Variants in KDM1A observed in about 807,000 individuals in gnomAD.
KDM1A encodes lysine demethylase 1A, also known as lysine-specific histone demethylase 1A.
KDM1A carries 49 observed loss-of-function variants against 109.4 expected under a neutral mutation model. The observed-to-expected ratio is 0.45, with a 90% CI of 0.36 to 0.57. The LOEUF (loss-of-function observed/expected upper bound fraction) is 0.57. KDM1A is among the 20% of genes least tolerant of loss of function. KDM1A has a pLI of 0.00. For missense variants in KDM1A, 668 were observed against 1,116.6 expected (o/e 0.60, Z 5.73); for synonymous variants, 380 against 415.4 (o/e 0.91, Z 1.04).
In KDM1A at chr1:23,057,546, C is replaced by T; in HGVS notation, c.1053C>T (p.Ala351=). 6.2e-7 allele frequency: 1 copy of T among 1,613,528 alleles called. No homozygotes were observed. Among genetic ancestry groups the T allele is most frequent in the South Asian group, 1.1e-5 (1 of 91,066 alleles). ...RKGNYVADLG[A]MVVTGLGGNP... ...GAAACTATGTAGCTGATCTTGGAGC[C>T]ATGGTGGTAACAGGTCTTGGTAAGT... Residue 351 remains alanine, a synonymous_variant, in exon 8 of 21, where the codon GCC becomes GCT. Transcript: ENST00000400181.
At position 23,019,694 on chromosome 1, in the gene KDM1A, A is replaced by G; in HGVS notation, c.98A>G (p.Asn33Ser). The G allele has an allele frequency of 7.4e-7, 1 of 1,357,342 alleles. No homozygotes were observed. The highest frequency in any genetic ancestry group is 9.4e-7 in the Non-Finnish European group (1 of 1,061,740). The allele number at this position is 1,357,342 out of a possible 1,614,324, so 84.1% of individuals were successfully genotyped here. ...AGPGTAGGSENGSEVAAQPAG... is the reference protein window; with the variant it reads ...AGPGTAGGSESGSEVAAQPAG... ...CCTGGGACAGCAGGCGGCTCCGAGA[A>G]CGGGTCTGAGGTGGCCGCGCAGCCC... The change falls in exon 1 of 21, where the codon AAC becomes AGC. Residue 33 changes from asparagine to serine, a missense_variant. This residue lies in a region of KDM1A where 156 missense variants were observed against 163.4 expected (regional missense o/e 0.95). Coordinates refer to ENST00000400181, the MANE Select transcript of KDM1A (RefSeq NM_001009999.3).
Position 23,079,316 on chromosome 1 carries a change from C to T in KDM1A, c.2055+139C>T. On this transcript the variant is annotated intron_variant, in intron 17 of 20. Coordinates refer to ENST00000400181, the MANE Select transcript of KDM1A (RefSeq NM_001009999.3). This position sits in a 1 kb window ranked among gnomAD's most constrained non-coding sequence, Gnocchi z 5.6. ...TTGTGACATCAGGGCTGAGGCGTGT[C>T]AGTTGATTCTCTTCAGTGCCTAAGT... 1 of 823,786 alleles carries T rather than the reference C, an allele frequency of 1.2e-6. No homozygotes were observed. Among genetic ancestry groups the T allele is most frequent in the Non-Finnish European group, 1.9e-6 (1 of 526,234 alleles). 51.0% of individuals were successfully genotyped at this position (823,786 alleles called of 1,614,324 possible). A position where few individuals can be genotyped will look rare whatever the true frequency, so the allele number is the denominator to read the frequency against.
At chr1:23,081,323 A>C in intron 18 of KDM1A, 123 bp from the exon 19 acceptor site, 1 of 1,082,260 alleles carries the variant, frequency 9.2e-7, no homozygotes, top group South Asian at 1.5e-5. Context: ...TTCGCATTTG[A>C]ATGGTACTGC....
At chr1:23,068,415 T>C in intron 10 of KDM1A, 124 bp from the exon 11 acceptor site, 1 of 680,618 alleles carries the variant, frequency 1.5e-6, no homozygotes, top group South Asian at 3.2e-5. Flanking sequence ...TGAATCATTG[T>C]GCTCAAAGGT....
In KDM1A at chr1:23,079,518, CT is replaced by C; in HGVS notation, c.2056-34del. ...TGTTGAAGCCAGTATTATCTGGCCC[CT>C]GTCACTGGCTCATGTGCTTCTTTCT... On this transcript the variant is annotated intron_variant, in intron 17 of 20. Coordinates refer to ENST00000400181, the MANE Select transcript of KDM1A (RefSeq NM_001009999.3). This position sits in a 1 kb window ranked among gnomAD's most constrained non-coding sequence, Gnocchi z 5.6. 6.6e-7 allele frequency: 1 copy of C among 1,516,584 alleles called. No homozygotes were observed. The highest frequency in any genetic ancestry group is 9.1e-7 in the Non-Finnish European group (1 of 1,096,900). The allele number at this position is 1,516,584 out of a possible 1,614,324, so 93.9% of individuals were successfully genotyped here. A position where few individuals can be genotyped will look rare whatever the true frequency, so the allele number is the denominator to read the frequency against.
In KDM1A at chr1:23,019,572, G is replaced by A. The variant is rs1398423212; in HGVS notation, c.-25G>A. The A allele has an allele frequency of 2.1e-6, 3 of 1,396,064 alleles. No individual in the cohort carries two copies. The highest frequency in any genetic ancestry group is 2.8e-6 in the Non-Finnish European group (3 of 1,082,392). The allele number at this position is 1,396,064 out of a possible 1,614,324, so 86.5% of individuals were successfully genotyped here. On this transcript the variant is annotated 5_prime_UTR_variant, in exon 1 of 21. Coordinates refer to ENST00000400181, the MANE Select transcript of KDM1A (RefSeq NM_001009999.3). ...AGCGACAGAGCGAGCGGCCCCTACG[G>A]CCGTCGGCGGCCCGGCGGCCCGAGA...
chr1:23,077,202 A>T, intron 15 of KDM1A, 26 bp from the exon 16 acceptor site: 1 of 1,604,354 alleles, frequency 6.2e-7, no homozygotes, highest in Non-Finnish European at 8.5e-7. Flanking sequence ...AAAGGTTGGA[A>T]ATATGTTCTT....
At position 23,083,291 on chromosome 1, in the gene KDM1A, T is replaced by G. The variant is rs1643676039; in HGVS notation, c.2558T>G (p.Phe853Cys). 2.9e-5 allele frequency: 47 copies of G among 1,613,852 alleles called. No individual in the cohort carries two copies. The highest frequency in any genetic ancestry group is 4.0e-5 in the Non-Finnish European group (47 of 1,179,948). Reference protein sequence around the residue: ...LREAGRIADQFLGAMYTLPRQ... With the variant: ...LREAGRIADQCLGAMYTLPRQ... ...GAAGCGGGAAGAATTGCAGACCAGTTTTTGGGGGCCATGTATACGCTGCCT... is the reference window on the plus strand; with the variant it reads ...GAAGCGGGAAGAATTGCAGACCAGTGTTTGGGGGCCATGTATACGCTGCCT... The change falls in exon 21 of 21, where the codon TTT (phenylalanine) becomes TGT (cysteine). Residue 853 changes from phenylalanine (F) to cysteine (C), a missense_variant. Physicochemically the swap from Phe to Cys is radical, Grantham distance 205 (BLOSUM62 -2). Transcript: ENST00000400181.
At chr1:23,061,539 G>A (rs34092336) in intron 9 of KDM1A, among the ~76,000 whole-genome samples, 16,854 of 152,142 alleles carry the variant, frequency 0.11, 1,247 homozygotes, top group Non-Finnish European at 0.17. Context: ...GGGATTCTTT[G>A]CAGCTTTGAG....
At chr1:23,067,822 G>A (rs1643199668) in intron 10 of KDM1A, among the ~76,000 whole-genome samples, 1 of 152,176 alleles carries the variant, frequency 6.6e-6, no homozygotes, top group African/African-American at 2.4e-5. Flanking sequence ...GACACAGCAT[G>A]GCTTAGGATC....
intron 20 of KDM1A, 63 bp downstream of exon 20, chr1:23,082,429 G>GT: frequency 9.0e-6 from 11 of 1,218,496 alleles, no homozygotes; most frequent in East Asian, 2.7e-5. Context: ...TGATGTCCCT[G>GT]ATTTTTTTTT....
chr1:23,025,329 ATT>A (rs35274209), intron 1 of KDM1A, among the ~76,000 whole-genome samples: 453 of 128,888 alleles, frequency 3.5e-3, no homozygotes, highest in East Asian at 2.9e-3. Context: ...AAGATGAAAG[ATT>A]TTTTTTTTTT....
At chr1:23,031,047 C>A (rs941730473) in intron 2 of KDM1A, among the ~76,000 whole-genome samples, 1 of 152,198 alleles carries the variant, frequency 6.6e-6, no homozygotes, top group Non-Finnish European at 1.5e-5. Flanking sequence ...GTGTTTACCA[C>A]GTAGTTAGAT....
At chr1:23,051,019 A>T (rs1042611865) in intron 4 of KDM1A, among the ~76,000 whole-genome samples, 1 of 152,198 alleles carries the variant, frequency 6.6e-6, no homozygotes, top group African/African-American at 2.4e-5. Context: ...TAGGAGGTGG[A>T]GGTTGCAGTG....
chr1:23,081,899 G>A, intron 19 of KDM1A: 1 of 417,908 alleles, frequency 2.4e-6, no homozygotes, highest in African/African-American at 2.0e-5. Context: ...ACTTTTTCGT[G>A]TTCTTTGAAA....
chr1:23,020,087 C>T lies in KDM1A; in HGVS notation c.351+140C>T, dbSNP rs1011550688. On this transcript the variant is annotated intron_variant, in intron 1 of 20. Coordinates refer to ENST00000400181, the MANE Select transcript of KDM1A (RefSeq NM_001009999.3). ...CTTGTATCGCTGCGCACGCCACGTC[C>T]CCTCTAGCTGGACGGGTGGGGTGAG... 13 of 916,056 alleles carry T rather than the reference C, an allele frequency of 1.4e-5. No homozygotes were observed. The African/African-American group carries it at 1.9e-4, about 14-fold the overall frequency. The allele number at this position is 916,056 out of a possible 1,614,324, so 56.7% of individuals were successfully genotyped here. A position where few individuals can be genotyped will look rare whatever the true frequency, so the allele number is the denominator to read the frequency against.
intron 2 of KDM1A, among the ~76,000 whole-genome samples, chr1:23,036,974 C>G (rs1032534441): frequency 6.6e-6 from 1 of 152,084 alleles, no homozygotes; most frequent in Non-Finnish European, 1.5e-5. Flanking sequence ...AGTACATCCA[C>G]CTGCAAAGAA....
intron 12 of KDM1A, among the ~76,000 whole-genome samples, chr1:23,070,942 A>G (rs1289540530): frequency 6.6e-6 from 1 of 152,148 alleles, no homozygotes; most frequent in Non-Finnish European, 1.5e-5. Context: ...TGTTTAAATT[A>G]ATGGGACACT....
At chr1:23,076,255 C>CA (rs979458541) in intron 15 of KDM1A, among the ~76,000 whole-genome samples, 8 of 151,614 alleles carry the variant, frequency 5.3e-5, no homozygotes, top group African/African-American at 7.2e-5. Flanking sequence ...TACCAGCTTA[C>CA]AAAAAAAATG....
Sources: gnomAD v4.1 joint callset for allele counts (sites outside exome capture counted in the v4.1 genomes callset) on GRCh38, gnomAD v4.1.1 for gene constraint, gnomAD v4.1.1 regional missense constraint, Gnocchi (gnomAD v3.1) non-coding constraint, MANE v1.5 for transcripts, NCBI Gene and HGNC (gene_info 2026-07-23, HGNC 2026-07-21) for gene names.